Variants in IQGAP2 observed in about 807,000 individuals in gnomAD.
IQGAP2 encodes IQ motif containing GTPase activating protein 2, also known as ras GTPase-activating-like protein IQGAP2.
IQGAP2 carries 173 observed loss-of-function variants against 201.3 expected under a neutral mutation model. The observed-to-expected ratio is 0.86, with a 90% CI of 0.76 to 0.98. The LOEUF is 0.98. Ranked by LOEUF, IQGAP2 falls within the 50% of genes least tolerant of loss-of-function variation. IQGAP2 has a pLI of 0.00. For missense variants in IQGAP2, 1,687 were observed against 1,864.8 expected (o/e 0.90, Z 1.76); for synonymous variants, 675 against 673.9 (o/e 1.00, Z -0.03).
At chr5:76,534,423 T>TA (rs1348579967) in intron 2 of IQGAP2, among the ~76,000 whole-genome samples, 1 of 152,236 alleles carries the variant, frequency 6.6e-6, no homozygotes, top group Non-Finnish European at 1.5e-5. Flanking sequence ...CAGGCAGAAC[T>TA]AAAATCTGTG....
intron 2 of IQGAP2, among the ~76,000 whole-genome samples, chr5:76,543,224 A>G (rs1370944204): frequency 6.6e-6 from 1 of 152,060 alleles, no homozygotes; most frequent in African/African-American, 2.4e-5. Flanking sequence ...CTCAAGCCAT[A>G]TTTCCTGAAA....
chr5:76,503,327 T>C (rs973810254), intron 2 of IQGAP2, among the ~76,000 whole-genome samples: 2 of 150,864 alleles, frequency 1.3e-5, no homozygotes, highest in African/African-American at 2.4e-5. Context: ...GTGCCTGCCA[T>C]CACACCTGGC....
At chr5:76,684,778 C>T (rs923990387) in intron 30 of IQGAP2, among the ~76,000 whole-genome samples, 3 of 152,140 alleles carry the variant, frequency 2.0e-5, no homozygotes, top group Non-Finnish European at 2.9e-5. Flanking sequence ...AGAGCTTTCT[C>T]TCCTGCCACT....
intron 20 of IQGAP2, among the ~76,000 whole-genome samples, chr5:76,655,271 A>AT (rs5868834): frequency 7.4e-4 from 111 of 150,754 alleles, no homozygotes; most frequent in African/African-American, 2.3e-3. Flanking sequence ...ATAAATGCTG[A>AT]TTTTTTTTTT....
At chr5:76,569,716 A>G (rs1240946794) in intron 3 of IQGAP2, among the ~76,000 whole-genome samples, 2 of 152,230 alleles carry the variant, frequency 1.3e-5, no homozygotes, top group African/African-American at 4.8e-5. Flanking sequence ...ATATGGTAAA[A>G]CTTGCTATAG....
chr5:76,409,926 A>C (rs1191584578), intron 1 of IQGAP2, among the ~76,000 whole-genome samples: 2 of 152,252 alleles, frequency 1.3e-5, no homozygotes, highest in African/African-American at 4.8e-5. Flanking sequence ...TGCCTGCCTC[A>C]GTAGCCTTGG....
chr5:76,552,061 C>G (rs1361150506), intron 2 of IQGAP2, among the ~76,000 whole-genome samples: 2 of 152,176 alleles, frequency 1.3e-5, no homozygotes, highest in East Asian at 3.9e-4. Context: ...GGCCTGAACA[C>G]TTTCGTTGTG....
chr5:76,681,556 G>C (rs1745297468), intron 28 of IQGAP2, among the ~76,000 whole-genome samples: 1 of 151,340 alleles, frequency 6.6e-6, no homozygotes, highest in African/African-American at 2.4e-5. Flanking sequence ...CAGAAAATAA[G>C]TGTTGAGAAG....
chr5:76,432,779 C>T (rs1025023319), intron 1 of IQGAP2, among the ~76,000 whole-genome samples: 2 of 152,262 alleles, frequency 1.3e-5, no homozygotes, highest in South Asian at 2.1e-4. Flanking sequence ...ATGAGAAGAT[C>T]GGCTCATCAC....
intron 20 of IQGAP2, among the ~76,000 whole-genome samples, chr5:76,655,680 C>A (rs1232774489): frequency 3.3e-5 from 5 of 152,156 alleles, no homozygotes; most frequent in Admixed American, 3.3e-4. Context: ...AACCCCTGAC[C>A]TCATGATTCA....
chr5:76,688,794 A>G (rs919316317), intron 30 of IQGAP2, among the ~76,000 whole-genome samples: 5 of 152,198 alleles, frequency 3.3e-5, no homozygotes, highest in Admixed American at 2.6e-4. Context: ...TAAAATATGT[A>G]TGTAATATTC....
In IQGAP2 at chr5:76,483,015, T is replaced by C. The variant is rs546825218; in HGVS notation, c.146+21346T>C. 1.1e-4 allele frequency among the ~76,000 whole-genome samples: 17 copies of C among 152,354 alleles called. No individual in the cohort carries two copies. In the East Asian group the frequency reaches 1.7e-3, roughly 16 times the overall value. ...AAATTAAGCGCTACATTGCTATGAA[T>C]TGTAAAGTGTGGAAACATGGAATAA... On this transcript the variant is annotated intron_variant, in intron 2 of 35. Transcript: ENST00000274364.
Position 76,698,004 on chromosome 5 carries a change from AATCT to A in IQGAP2, c.4228_4231del (p.Tyr1410ValfsTer15). ...TGTTTTAGGATATTCGAAATCAAAGAATCTATCGTAAGCTTCGAAAAGCTGAATT... is the reference window on the plus strand; with the variant it reads ...TGTTTTAGGATATTCGAAATCAAAGAATCGTAAGCTTCGAAAAGCTGAATT... On this transcript the variant is annotated frameshift_variant, in exon 33 of 36. Transcript: ENST00000274364. LOFTEE classifies it high-confidence loss of function. The A allele has an allele frequency of 2.5e-6, 4 of 1,611,500 alleles. No homozygotes were observed. The highest frequency in any genetic ancestry group is 2.5e-6 in the Non-Finnish European group (3 of 1,179,076).
chr5:76,623,812 A>C (rs1465875535), intron 13 of IQGAP2, among the ~76,000 whole-genome samples: 3 of 152,214 alleles, frequency 2.0e-5, no homozygotes, highest in Middle Eastern at 3.2e-3. Context: ...TTGAGCGGTG[A>C]ATCACTTTGA....
Position 76,652,811 on chromosome 5 carries a change from A to T in IQGAP2, c.2156A>T (p.Asp719Val), listed in dbSNP as rs1321440380. 4 of 1,606,130 alleles carry T rather than the reference A, an allele frequency of 2.5e-6. No individual in the cohort carries two copies. In the African/African-American group the frequency reaches 5.3e-5, roughly 21 times the overall value. Residue 719 changes from aspartate to valine, a missense_variant, in exon 18 of 36, where the codon GAT becomes GTT. Physicochemically the swap from Asp to Val is radical, Grantham distance 152 (BLOSUM62 -3). Coordinates refer to ENST00000274364, the MANE Select transcript of IQGAP2 (RefSeq NM_006633.5). ...ATGCACAGGCGGCAAACGTTCATTG[A>T]TAATACTGATTCTATTGTGAAGGTA... Reference protein sequence around the residue: ...EYMHRRQTFIDNTDSIVKIQS... With the variant: ...EYMHRRQTFIVNTDSIVKIQS...
intron 2 of IQGAP2, among the ~76,000 whole-genome samples, chr5:76,498,824 G>A (rs1446685970): frequency 6.6e-6 from 1 of 152,218 alleles, no homozygotes; most frequent in African/African-American, 2.4e-5. Context: ...AGAATCAGTG[G>A]AAGAGACAAT....
intron 1 of IQGAP2, among the ~76,000 whole-genome samples, chr5:76,414,066 G>A (rs1180236702): frequency 6.6e-6 from 1 of 151,828 alleles, no homozygotes; most frequent in African/African-American, 2.4e-5. Context: ...AAGCCATTAG[G>A]AATCGAAAAC....
intron 2 of IQGAP2, among the ~76,000 whole-genome samples, chr5:76,463,728 T>G (rs1232507502): frequency 1.3e-5 from 2 of 152,252 alleles, no homozygotes; most frequent in Non-Finnish European, 2.9e-5. Context: ...AAAATAATTA[T>G]CAAAATGTAC....
intron 2 of IQGAP2, among the ~76,000 whole-genome samples, chr5:76,516,740 G>A (rs1758352271): frequency 1.3e-5 from 2 of 152,208 alleles, no homozygotes; most frequent in South Asian, 4.1e-4. Flanking sequence ...TTGAACATGT[G>A]TGAATTGGAT....
Sources: gnomAD v4.1 joint callset for allele counts (sites outside exome capture counted in the v4.1 genomes callset) on GRCh38, gnomAD v4.1.1 for gene constraint, MANE v1.5 for transcripts, NCBI Gene and HGNC (gene_info 2026-07-23, HGNC 2026-07-21) for gene names.